SLC25A48: variants seen among roughly 807,000 people sequenced by gnomAD.
SLC25A48 encodes the protein CTC-321K16.1.
Under a neutral mutation model 32.2 loss-of-function variants are expected in SLC25A48, and 29 were observed. The observed-to-expected ratio is 0.90, with a 90% confidence interval of 0.67 to 1.23. The LOEUF (loss-of-function observed/expected upper bound fraction) is 1.23, where lower values mean the gene tolerates loss of function less well. Ranked by LOEUF, SLC25A48 falls within the 50% of genes most tolerant of loss-of-function variation. The pLI is 0.00. For missense variants in SLC25A48, 399 were observed against 422.7 expected (o/e 0.94, Z 0.49); for synonymous variants, 164 against 172.3 (o/e 0.95, Z 0.38).
intron 3 of SLC25A48, among the ~76,000 whole-genome samples, chr5:135,675,128 T>C (rs186735347): frequency 6.6e-6 from 1 of 152,206 alleles, no homozygotes; most frequent in East Asian, 1.9e-4. Context: ...CATTTATTCA[T>C]ATACCTGTTG....
At chr5:135,750,097 G>C (rs1398818741) in intron 3 of SLC25A48, among the ~76,000 whole-genome samples, 2 of 152,144 alleles carry the variant, frequency 1.3e-5, no homozygotes, top group African/African-American at 4.8e-5. Flanking sequence ...TGTCCCACAA[G>C]CATAACAAAT....
chr5:135,694,884 G>C (rs1392325563), intron 3 of SLC25A48, among the ~76,000 whole-genome samples: 1 of 152,186 alleles, frequency 6.6e-6, no homozygotes, highest in Non-Finnish European at 1.5e-5. Context: ...ACCGTGCCCA[G>C]CCCAGATGGA....
intron 3 of SLC25A48, among the ~76,000 whole-genome samples, chr5:135,692,742 A>G (rs1420023923): frequency 1.3e-5 from 2 of 152,236 alleles, no homozygotes; most frequent in African/African-American, 2.4e-5. Context: ...TTTACATGCA[A>G]TGCAGCCATC....
chr5:135,782,283 G>A (rs2126622888), intron 3 of SLC25A48, among the ~76,000 whole-genome samples: 1 of 115,250 alleles, frequency 8.7e-6, no homozygotes, highest in South Asian at 3.1e-4. Flanking sequence ...ACCCCACTAT[G>A]GTGTTGTTTT....
At chr5:135,581,807 C>T (rs914247635) in intron 1 of SLC25A48, among the ~76,000 whole-genome samples, 1 of 152,214 alleles carries the variant, frequency 6.6e-6, no homozygotes, top group Non-Finnish European at 1.5e-5. Flanking sequence ...CTTCTGGAGC[C>T]ATGGTACAGG....
chr5:135,726,202 T>A (rs901093902), intron 3 of SLC25A48, among the ~76,000 whole-genome samples: 4 of 152,200 alleles, frequency 2.6e-5, no homozygotes, highest in African/African-American at 9.6e-5. Flanking sequence ...GTCTGCCAGT[T>A]TTCTGGGGAC....
intron 3 of SLC25A48, among the ~76,000 whole-genome samples, chr5:135,708,798 A>G (rs1754583605): frequency 6.6e-6 from 1 of 152,188 alleles, no homozygotes; most frequent in African/African-American, 2.4e-5. Context: ...GGAAGAACAC[A>G]TTTGAGAGAG....
intron 3 of SLC25A48, among the ~76,000 whole-genome samples, chr5:135,713,707 T>C (rs34465140): frequency 0.71 from 107,609 of 152,082 alleles, 38,437 homozygotes; most frequent in Middle Eastern, 0.77. Flanking sequence ...CAGATTTGAG[T>C]GTTCCTCCCT....
intron 3 of SLC25A48, among the ~76,000 whole-genome samples, chr5:135,660,174 A>T (rs1477691690): frequency 6.6e-6 from 1 of 152,192 alleles, no homozygotes; most frequent in South Asian, 2.1e-4. Flanking sequence ...TGAGATTCAC[A>T]TGCAGTTGTA....
chr5:135,603,966 G>C (rs1482130481), intron 1 of SLC25A48, among the ~76,000 whole-genome samples: 1 of 152,178 alleles, frequency 6.6e-6, no homozygotes, highest in Non-Finnish European at 1.5e-5. Flanking sequence ...TGAGTACAGG[G>C]GAAAGCAGAC....
intron 7 of SLC25A48, among the ~76,000 whole-genome samples, chr5:135,880,890 C>G (rs547780795): frequency 1.3e-5 from 2 of 152,166 alleles, no homozygotes. Flanking sequence ...TCCAGGATGC[C>G]GGCTTGCTTT....
intron 1 of SLC25A48, among the ~76,000 whole-genome samples, chr5:135,839,738 C>A (rs113303061): frequency 1.3e-4 from 20 of 152,234 alleles, no homozygotes; most frequent in African/African-American, 4.6e-4. Flanking sequence ...ATGGGAGAGA[C>A]CCATGTGTCA....
intron 3 of SLC25A48, among the ~76,000 whole-genome samples, chr5:135,636,457 T>A (rs1410850930): frequency 6.6e-6 from 1 of 152,240 alleles, no homozygotes; most frequent in African/African-American, 2.4e-5. Context: ...ATGGTAGTCA[T>A]ATGTAAATTG....
At chr5:135,670,323 T>C (rs944817480) in intron 3 of SLC25A48, among the ~76,000 whole-genome samples, 3 of 152,136 alleles carry the variant, frequency 2.0e-5, no homozygotes, top group Non-Finnish European at 4.4e-5. Flanking sequence ...CTGCAGAACA[T>C]AGACAAATGA....
intron 3 of SLC25A48, among the ~76,000 whole-genome samples, chr5:135,681,798 T>A (rs1753903874): frequency 6.6e-6 from 1 of 151,940 alleles, no homozygotes; most frequent in South Asian, 2.1e-4. Context: ...CTAAGACTAG[T>A]TTTTTTTCGT....
intron 3 of SLC25A48, among the ~76,000 whole-genome samples, chr5:135,797,941 T>G (rs569975835): frequency 3.3e-5 from 5 of 151,874 alleles, no homozygotes; most frequent in African/African-American, 1.2e-4. Context: ...CCGCATGGGG[T>G]GTACACCCCC....
At chr5:135,857,203 C>T (rs1022977616) in intron 4 of SLC25A48, among the ~76,000 whole-genome samples, 2 of 152,220 alleles carry the variant, frequency 1.3e-5, no homozygotes, top group African/African-American at 4.8e-5. Flanking sequence ...TGCCCACCTC[C>T]ACTCCAGCTT....
At chr5:135,724,643 G>A (rs374040466) in intron 3 of SLC25A48, among the ~76,000 whole-genome samples, 1 of 152,242 alleles carries the variant, frequency 6.6e-6, no homozygotes, top group African/African-American at 2.4e-5. Flanking sequence ...GACAGGAAAA[G>A]CCTTGCCTAA....
upstream of SLC25A48, among the ~76,000 whole-genome samples, chr5:135,831,028 C>T (rs982018847): frequency 1.1e-4 from 17 of 152,118 alleles, no homozygotes; most frequent in African/African-American, 4.1e-4. Flanking sequence ...GCAGAAGATG[C>T]TTTGGTATAG....
Sources: allele counts gnomAD v4.1 joint callset (sites outside exome capture counted in the v4.1 genomes callset), GRCh38; gene constraint gnomAD v4.1.1; transcripts MANE v1.5; gene names NCBI Gene and HGNC (gene_info 2026-07-23, HGNC 2026-07-21).